The following FHIT variants were observed in gnomAD, a reference collection of about 807,000 sequenced individuals.
The protein encoded by FHIT is bis(5'-adenosyl)-triphosphatase.
A neutral mutation model predicts 17.9 loss-of-function variants in FHIT; 19 were observed. The observed-to-expected ratio is 1.06, with a 90% CI of 0.74 to 1.56. The LOEUF (loss-of-function observed/expected upper bound fraction) is 1.56, where lower values mean the gene tolerates loss of function less well. Ranked by LOEUF, FHIT falls within the 40% of genes most tolerant of loss-of-function variation. FHIT has a pLI of 0.00. For synonymous variants in FHIT, 81 were observed against 69.7 expected (o/e 1.16, Z -0.81); for missense variants, 248 against 189.2 (o/e 1.31, Z -1.82).
At chr3:61,196,156 TAGAA>T (rs1194997109) in intron 2 of FHIT, among the ~76,000 whole-genome samples, 1 of 152,076 alleles carries the variant, frequency 6.6e-6, no homozygotes, top group African/African-American at 2.4e-5. Flanking sequence ...GTACATTATT[TAGAA>T]AGAGAGAGGT....
chr3:60,891,958 C>A (rs781814124), intron 3 of FHIT, among the ~76,000 whole-genome samples: 1 of 152,100 alleles, frequency 6.6e-6, no homozygotes, highest in Non-Finnish European at 1.5e-5. Context: ...GACTGGAAAC[C>A]AAGTCTTCAT....
chr3:60,209,015 G>A lies in FHIT; in HGVS notation c.104-194863C>T, dbSNP rs960584307. On this transcript the variant is annotated intron_variant, in intron 5 of 9. Coordinates refer to ENST00000492590, the MANE Select transcript of FHIT (RefSeq NM_002012.4). ...AGTCTACTTGCTTTCTGTCCACTTC[G>A]ACTCAGACATAAAGAATATTTATCA... Among the ~76,000 whole-genome samples the A allele has an allele frequency of 2.5e-4, 38 of 152,174 alleles. 1 individual carries two copies. Among genetic ancestry groups the A allele is most frequent in the African/African-American group, 8.2e-4 (34 of 41,528 alleles).
chr3:60,163,678 C>A (rs1259081160), intron 5 of FHIT, among the ~76,000 whole-genome samples: 1 of 152,188 alleles, frequency 6.6e-6, no homozygotes. Flanking sequence ...ACCCTCAACA[C>A]TGTTCACATT....
intron 5 of FHIT, among the ~76,000 whole-genome samples, chr3:60,316,156 T>C (rs1299819804): frequency 6.6e-6 from 1 of 152,098 alleles, no homozygotes; most frequent in African/African-American, 2.4e-5. Context: ...AGCCCAAAGG[T>C]TTTGTATAGC....
chr3:59,967,784 G>T (rs1428247831), intron 7 of FHIT, among the ~76,000 whole-genome samples: 2 of 151,900 alleles, frequency 1.3e-5, no homozygotes, highest in African/African-American at 4.8e-5. Flanking sequence ...TTCTGCTTTA[G>T]GGGAGGATGG....
intron 5 of FHIT, among the ~76,000 whole-genome samples, chr3:60,423,257 C>T (rs371499209): frequency 7.9e-5 from 12 of 152,240 alleles, no homozygotes; most frequent in African/African-American, 2.6e-4. Flanking sequence ...TTTCACTGCA[C>T]TGGTGAATCA....
chr3:59,757,312 A>C (rs1399643136), intron 8 of FHIT, among the ~76,000 whole-genome samples: 1 of 152,224 alleles, frequency 6.6e-6, no homozygotes, highest in Admixed American at 6.5e-5. Flanking sequence ...ACAGCTTTGA[A>C]AAGAGATTTA....
intron 5 of FHIT, among the ~76,000 whole-genome samples, chr3:60,487,637 G>A (rs17063275): frequency 0.041 from 6,274 of 152,228 alleles, 134 homozygotes; most frequent in South Asian, 0.081. Context: ...TCCGTGCTTG[G>A]AGCTTCCTGC....
intron 5 of FHIT, among the ~76,000 whole-genome samples, chr3:60,154,228 CA>C (rs1700586309): frequency 6.6e-6 from 1 of 152,100 alleles, no homozygotes; most frequent in Admixed American, 6.5e-5. Context: ...TGCAAAAATT[CA>C]AAAAATTACA....
chr3:60,601,584 A>G (rs1241377133), intron 4 of FHIT, among the ~76,000 whole-genome samples: 7 of 152,180 alleles, frequency 4.6e-5, no homozygotes, highest in African/African-American at 1.4e-4. Flanking sequence ...ACAAAAACAT[A>G]AAACACCCAT....
Position 59,758,159 on chromosome 3 carries a change from TG to T in FHIT, c.349-5839del, listed in dbSNP as rs1466863052. On this transcript the variant is annotated intron_variant, in intron 8 of 9. Transcript: ENST00000492590. ...ACTTTTAAAAATCAAGGACTTGGACTGGGCTTAAAAGATGGTAATGAGATTT... is the reference window on the plus strand; with the variant it reads ...ACTTTTAAAAATCAAGGACTTGGACTGGCTTAAAAGATGGTAATGAGATTT... Among the ~76,000 whole-genome samples, 3 of 152,206 alleles carry T rather than the reference TG, an allele frequency of 2.0e-5. No homozygotes were observed. The East Asian group carries it at 5.8e-4, about 29-fold the overall frequency.
chr3:60,742,782 T>G (rs1553714203), intron 4 of FHIT, among the ~76,000 whole-genome samples: 1 of 152,230 alleles, frequency 6.6e-6, no homozygotes, highest in Non-Finnish European at 1.5e-5. Context: ...TGCCTAAATA[T>G]GGACTGTTCT....
chr3:60,840,769 G>A (rs781977637), intron 3 of FHIT, among the ~76,000 whole-genome samples: 1 of 152,100 alleles, frequency 6.6e-6, no homozygotes, highest in African/African-American at 2.4e-5. Context: ...GGAGACTGAC[G>A]TTTTCTGTTA....
intron 8 of FHIT, among the ~76,000 whole-genome samples, chr3:59,920,548 T>G (rs962896921): frequency 6.6e-6 from 1 of 152,128 alleles, no homozygotes; most frequent in African/African-American, 2.4e-5. Context: ...AAAGTAACCA[T>G]GCAGCTTCAT....
intron 3 of FHIT, among the ~76,000 whole-genome samples, chr3:60,995,898 G>A (rs2030639223): frequency 6.6e-6 from 1 of 152,158 alleles, no homozygotes; most frequent in Non-Finnish European, 1.5e-5. Context: ...ATTTACACCT[G>A]AAAAATTAAA....
chr3:60,374,327 A>C (rs1319277712), intron 5 of FHIT, among the ~76,000 whole-genome samples: 1 of 151,992 alleles, frequency 6.6e-6, no homozygotes, highest in Non-Finnish European at 1.5e-5. Flanking sequence ...AGAAGTCTCT[A>C]TTTTTTTAAA....
chr3:61,202,529 G>C (rs543728444), intron 1 of FHIT, among the ~76,000 whole-genome samples: 2 of 151,846 alleles, frequency 1.3e-5, no homozygotes, highest in South Asian at 2.1e-4. Context: ...AAAAGAGAGA[G>C]AGAAAGCCAA....
At chr3:60,616,419 T>A (rs1425695786) in intron 4 of FHIT, among the ~76,000 whole-genome samples, 1 of 152,118 alleles carries the variant, frequency 6.6e-6, no homozygotes, top group Non-Finnish European at 1.5e-5. Context: ...CCATACTCTT[T>A]GATTCTTTTT....
intron 5 of FHIT, among the ~76,000 whole-genome samples, chr3:60,468,331 T>A (rs2032909069): frequency 6.6e-6 from 1 of 152,104 alleles, no homozygotes. Flanking sequence ...CTCCTGCTAT[T>A]TTGTTATTTG....
Sources: allele counts gnomAD v4.1 joint callset (sites outside exome capture counted in the v4.1 genomes callset), GRCh38; gene constraint gnomAD v4.1.1; transcripts MANE v1.5; gene names NCBI Gene and HGNC (gene_info 2026-07-23, HGNC 2026-07-21).